CIRBP: variants seen among roughly 807,000 people sequenced by gnomAD.
The protein encoded by CIRBP is cold inducible RNA binding protein.
A neutral mutation model predicts 22.3 loss-of-function variants in CIRBP; 11 were observed. That is an observed-to-expected ratio of 0.49 (90% confidence interval 0.31 to 0.82). The LOEUF (loss-of-function observed/expected upper bound fraction) is 0.82. Among genes scored for constraint, CIRBP ranks in the 40% least tolerant of loss-of-function variants. The pLI, the probability that CIRBP is intolerant of heterozygous loss-of-function variation, is 0.05. For missense variants in CIRBP, 456 were observed against 402.7 expected, an observed-to-expected ratio of 1.13 and a Z score of -1.13; for synonymous variants, 216 against 158.8, an observed-to-expected ratio of 1.36 and a Z score of -2.71.
chr19:1,269,482 GGGCCGCAGC>G (rs1199308924), intron 1 of CIRBP, 72 bp downstream of exon 1: 1 of 150,850 alleles, frequency 6.6e-6, no homozygotes, highest in Admixed American at 6.6e-5. Flanking sequence ...AGGCGAGGCG[GGGCCGCAGC>G]GGCACGCCCC....
rs1600035727 is a variant in CIRBP at position 1,274,330 on chromosome 19, C to T, written c.*1887C>T. On this transcript the variant is annotated 3_prime_UTR_variant, in exon 6 of 6. Coordinates refer to ENST00000587896, the MANE Select transcript of CIRBP (RefSeq NM_001300829.2). ...AGGTTGAAGGGGCCCGGCCAGGACT[C>T]GGGGAAGGGTGGCCTGAGAGCAGCG... The T allele has an allele frequency of 5.0e-6, 2 of 401,258 alleles. No homozygotes were observed. The highest frequency in any genetic ancestry group is 4.4e-6 in the Non-Finnish European group (1 of 226,388). 24.9% of individuals were successfully genotyped at this position (401,258 alleles called of 1,614,324 possible). A position where few individuals can be genotyped will look rare whatever the true frequency, so the allele number is the denominator to read the frequency against.
At chr19:1,269,800 T>A (rs577593121) in intron 1 of CIRBP, 1 of 512,170 alleles carries the variant, frequency 2.0e-6, no homozygotes, top group South Asian at 1.4e-5. Flanking sequence ...GCTGGAGGTA[T>A]CCACACACCA....
chr19:1,271,497 T>C lies in CIRBP; in HGVS notation c.349+30T>C, dbSNP rs1254744060. 3 of 1,602,520 alleles carry C rather than the reference T, an allele frequency of 1.9e-6. No homozygotes were observed. In the Admixed American group the frequency reaches 5.1e-5, roughly 27 times the overall value. On this transcript the variant is annotated intron_variant, in intron 4 of 5. Transcript: ENST00000587896. ...GTGCCATGAGTGGGTCCCTTGGGGA[T>C]GCTGTGAGGTACTGCTGGTGGGAGC...
At chr19:1,269,769 G>C in intron 1 of CIRBP, 1 of 461,292 alleles carries the variant, frequency 2.2e-6, no homozygotes, top group South Asian at 1.5e-5. Context: ...CGGTCTCCAG[G>C]GCCGCTTTCC....
rs1568828019 is a variant in CIRBP, at chr19:1,271,316, CCT to C, written c.211-10_211-9del. 4 of 1,613,934 alleles carry C rather than the reference CCT, an allele frequency of 2.5e-6. No homozygotes were observed. The highest frequency in any genetic ancestry group is 2.7e-5 in the African/African-American group (2 of 74,930). On this transcript the variant is annotated splice_polypyrimidine_tract_variant and intron_variant, in intron 3 of 5. Transcript: ENST00000587896. ...GCACCCACCTGCTAACCCGTCCCGC[CCT>C]CTGTCTCCAGTCTGTAGATGGACGG...
chr19:1,271,412 C>T lies in CIRBP; in HGVS notation c.294C>T (p.Ala98=), dbSNP rs143217274. Residue 98 remains alanine (A), a synonymous_variant, in exon 4 of 6, where the codon GCC becomes GCT. Coordinates refer to ENST00000587896, the MANE Select transcript of CIRBP (RefSeq NM_001300829.2). ...CCCGTGGGTACCGTGGTGGCTCTGC[C>T]GGGGGCCGGGGCTTCTTCCGTGGGG... ...NRSRGYRGGS[A]GGRGFFRGGR... is the part of the protein sequence containing the mutation. 142 of 1,613,456 alleles carry T rather than the reference C, an allele frequency of 8.8e-5. No homozygotes were observed. Among genetic ancestry groups the T allele is most frequent in the African/African-American group, 1.6e-4 (12 of 75,032 alleles).
intron 1 of CIRBP, 126 bp from the exon 2 acceptor site, chr19:1,270,802 T>C: frequency 1.3e-6 from 1 of 767,680 alleles, no homozygotes; most frequent in Non-Finnish European, 2.2e-6. Flanking sequence ...TTTGAGATAA[T>C]GAAAAATAAA....
At chr19:1,270,138 C>T (rs750362093) in intron 1 of CIRBP, 1 of 515,452 alleles carries the variant, frequency 1.9e-6, no homozygotes, top group Non-Finnish European at 3.9e-6. Flanking sequence ...CTTCCGGGGC[C>T]ATCCCTTCCC....
intron 2 of CIRBP, 52 bp downstream of exon 2, chr19:1,271,088 C>A: frequency 6.2e-7 from 1 of 1,610,588 alleles, no homozygotes; most frequent in Non-Finnish European, 8.5e-7. Flanking sequence ...TGTGCTCCTC[C>A]TACCTGGAAG....
intron 1 of CIRBP, chr19:1,270,297 T>C (rs1267679871): frequency 1.1e-5 from 4 of 361,992 alleles, no homozygotes; most frequent in South Asian, 4.0e-5. Flanking sequence ...CAGCAACAAG[T>C]AGATGTCAGT....
At position 1,272,104 on chromosome 19, in the gene CIRBP, G is replaced by A. The variant is rs1188680978; in HGVS notation, c.555G>A (p.Arg185=). ...ATLLWPAVGA[R]FTLVPSPSTL... ...TGCTGTGGCCTGCGGTGGGAGCTCG[G>A]TTCACCTTGGTGCCCTCTCCAAGCA... Residue 185 remains arginine, a synonymous_variant, in exon 6 of 6, where the codon CGG becomes CGA. Transcript: ENST00000587896. 2 of 1,613,800 alleles carry A rather than the reference G, an allele frequency of 1.2e-6. No homozygotes were observed. The highest frequency in any genetic ancestry group is 1.7e-6 in the Non-Finnish European group (2 of 1,180,020).
rs771626133 is a variant in CIRBP, at chr19:1,271,647, G to T, written c.431+15G>T. 14 of 1,470,318 alleles carry T rather than the reference G, an allele frequency of 9.5e-6. No individual in the cohort carries two copies. Among genetic ancestry groups the T allele is most frequent in the Non-Finnish European group, 8.4e-6 (9 of 1,077,218 alleles). The allele number at this position is 1,470,318 out of a possible 1,614,324, so 91.1% of individuals were successfully genotyped here. A position where few individuals can be genotyped will look rare whatever the true frequency, so the allele number is the denominator to read the frequency against. ...TACTATAGCAGGTGAGGGGGAGGCC[G>T]GCCCAAGCACAGGGGTGGTTGCGGG... is the stretch of plus-strand genomic sequence containing the variant. On this transcript the variant is annotated intron_variant, in intron 5 of 5. Transcript: ENST00000587896.
chr19:1,269,448 GGCGGCGGGCGGCCT>G (rs1203158206), intron 1 of CIRBP, 38 bp downstream of exon 1: 1 of 151,762 alleles, frequency 6.6e-6, no homozygotes, highest in African/African-American at 2.4e-5. Context: ...AGGAGCTCGG[GGCGGCGGGCGGCCT>G]GCGGCGGCCA....
rs2081390470 is a variant in CIRBP at position 1,274,510 on chromosome 19, GA to G, written c.*2068del. 5.1e-6 allele frequency: 2 copies of G among 389,134 alleles called. No homozygotes were observed. Among genetic ancestry groups the G allele is most frequent in the African/African-American group, 4.1e-5 (2 of 48,392 alleles). The allele number at this position is 389,134 out of a possible 1,614,324, so 24.1% of individuals were successfully genotyped here. A position where few individuals can be genotyped will look rare whatever the true frequency, so the allele number is the denominator to read the frequency against. The stretch of plus-strand genomic sequence containing the variant: ...CCGGGCGGCACCTGGGCGTTTCAGT[GA>G]GTCCTGCTCTCCCGCACCTATGGCC... On this transcript the variant is annotated 3_prime_UTR_variant, in exon 6 of 6. Coordinates refer to ENST00000587896, the MANE Select transcript of CIRBP (RefSeq NM_001300829.2).
chr19:1,270,052 G>A (rs1162990149), intron 1 of CIRBP: 2 of 519,788 alleles, frequency 3.8e-6, no homozygotes, highest in Non-Finnish European at 7.7e-6. Flanking sequence ...CTTTGTCTGT[G>A]TCAGCACTGA....
chr19:1,270,877 G>C, intron 1 of CIRBP, 51 bp from the exon 2 acceptor site: 1 of 1,079,976 alleles, frequency 9.3e-7, no homozygotes, highest in Non-Finnish European at 1.4e-6. Context: ...GAAGCGGGGA[G>C]AGGTGGTGAG....
At position 1,272,277 on chromosome 19, in the gene CIRBP, C is replaced by G. The variant is rs772450622; in HGVS notation, c.728C>G (p.Ala243Gly). ...GAGCGAGGGCCCGCTGGGCAGTCAGCTAGGTGCATGTGTGGCCGCAGGCCA... is the reference window on the plus strand; with the variant it reads ...GAGCGAGGGCCCGCTGGGCAGTCAGGTAGGTGCATGTGTGGCCGCAGGCCA... Reference protein sequence around the residue: ...KGERGPAGQSARCMCGRRPAS... With the variant: ...KGERGPAGQSGRCMCGRRPAS... Residue 243 changes from alanine (A) to glycine (G), a missense_variant, in exon 6 of 6, where the codon GCT becomes GGT. By Grantham distance (60) the Ala-to-Gly change is moderately conservative (BLOSUM62 0). Around this residue, in one of 2 missense-constraint regions of CIRBP, gnomAD observed 426 missense variants for 339.6 expected, o/e 1.25. Coordinates refer to ENST00000587896, the MANE Select transcript of CIRBP (RefSeq NM_001300829.2). 6.2e-7 allele frequency: 1 copy of G among 1,612,654 alleles called. No individual in the cohort carries two copies. Among genetic ancestry groups the G allele is most frequent in the Non-Finnish European group, 8.5e-7 (1 of 1,179,652 alleles).
chr19:1,272,066 G>A lies in CIRBP; in HGVS notation c.517G>A (p.Glu173Lys), dbSNP rs762176412. 6.2e-5 allele frequency: 100 copies of A among 1,614,062 alleles called. 1 individual carries two copies. Among genetic ancestry groups the A allele is most frequent in the South Asian group, 3.6e-4 (33 of 91,080 alleles). Reference protein sequence around the residue: ...SYDSYGKSHSEGATLLWPAVG... With the variant: ...SYDSYGKSHSKGATLLWPAVG... ...TGACAGTTACGGTAAGTCACACTCC[G>A]AGGGCGCCACGCTGCTGTGGCCTGC... The change falls in exon 6 of 6, where the codon GAG becomes AAG. Residue 173 changes from glutamate (E) to lysine (K), a missense_variant. Glu to Lys is a moderately conservative substitution (Grantham distance 56). Around this residue, in one of 2 missense-constraint regions of CIRBP, gnomAD observed 426 missense variants for 339.6 expected, o/e 1.25. Coordinates refer to ENST00000587896, the MANE Select transcript of CIRBP (RefSeq NM_001300829.2).
intron 5 of CIRBP, 30 bp from the exon 6 acceptor site, chr19:1,271,951 T>G (rs1394057930): frequency 1.9e-6 from 3 of 1,571,492 alleles, no homozygotes; most frequent in Non-Finnish European, 2.6e-6. Flanking sequence ...ACGGGTACCT[T>G]CCGGTACTCA....
Sources: allele counts gnomAD v4.1 joint callset, GRCh38; gene constraint gnomAD v4.1.1; regional missense constraint gnomAD v4.1.1; transcripts MANE v1.5; gene names NCBI Gene and HGNC (gene_info 2026-07-23, HGNC 2026-07-21).